Variants in LRRC4C observed in about 807,000 individuals in gnomAD.
LRRC4C encodes the protein leucine rich repeat containing 4C.
In LRRC4C, 5 loss-of-function variants were observed where a neutral mutation model predicts 33.6. That is an observed-to-expected ratio of 0.15 (90% CI 0.08 to 0.31). The LOEUF is 0.31. LRRC4C is among the 10% of genes least tolerant of loss of function. The probability of loss-of-function intolerance (pLI) is 1.00; values close to 1 mark genes in which losing one functional copy is unlikely to be tolerated. For missense variants in LRRC4C, 560 were observed against 796.7 expected (o/e 0.70, Z 3.58); for synonymous variants, 329 against 302.0 (o/e 1.09, Z -0.93).
intron 1 of LRRC4C, among the ~76,000 whole-genome samples, chr11:41,073,595 T>A (rs1157994056): frequency 6.6e-6 from 1 of 152,216 alleles, no homozygotes; most frequent in Non-Finnish European, 1.5e-5. Flanking sequence ...AGGGGGCTAA[T>A]GATTTTTCAT....
chr11:40,709,845 C>T (rs917781650), intron 2 of LRRC4C, among the ~76,000 whole-genome samples: 14 of 152,124 alleles, frequency 9.2e-5, no homozygotes, highest in Non-Finnish European at 1.6e-4. Flanking sequence ...TAGCTTTGGT[C>T]GTTTCACATA....
chr11:40,311,935 C>T (rs1182871217), intron 4 of LRRC4C, among the ~76,000 whole-genome samples: 1 of 129,940 alleles, frequency 7.7e-6, no homozygotes, highest in Non-Finnish European at 1.6e-5. Flanking sequence ...CAGAGTGAGA[C>T]TCTGTCTCAA....
At position 40,210,781 on chromosome 11, in the gene LRRC4C, C is replaced by A. The variant is rs138690376; in HGVS notation, c.-96+30738G>T. Reference sequence around the variant, plus strand: ...CATTTTGTAAAAAATACAACTTTTTCTTTTCTTTTGAGATAGAGTCTCACT... The same window carrying A: ...CATTTTGTAAAAAATACAACTTTTTATTTTCTTTTGAGATAGAGTCTCACT... On this transcript the variant is annotated intron_variant, in intron 5 of 6. Coordinates refer to ENST00000528697, the MANE Select transcript of LRRC4C (RefSeq NM_001258419.2). Among the ~76,000 whole-genome samples, 811 of 152,136 alleles carry A rather than the reference C, an allele frequency of 5.3e-3. 8 individuals carry two copies. Among genetic ancestry groups the A allele is most frequent in the African/African-American group, 0.018 (744 of 41,526 alleles).
At chr11:40,942,604 G>A (rs947798062) in intron 1 of LRRC4C, among the ~76,000 whole-genome samples, 7 of 152,120 alleles carry the variant, frequency 4.6e-5, no homozygotes, top group African/African-American at 1.7e-4. Context: ...ACACCAGAGA[G>A]GGAGGTGGGA....
At chr11:41,347,533 T>C (rs962181801) in intron 1 of LRRC4C, among the ~76,000 whole-genome samples, 2 of 152,192 alleles carry the variant, frequency 1.3e-5, no homozygotes, top group African/African-American at 4.8e-5. Context: ...TTTTTTAAAA[T>C]ACAAAATTTC....
At chr11:40,994,809 T>C (rs1402510300) in intron 1 of LRRC4C, among the ~76,000 whole-genome samples, 1 of 70,814 alleles carries the variant, frequency 1.4e-5, no homozygotes, top group Non-Finnish European at 3.4e-5. Context: ...TCTCTCTCTA[T>C]TTATACTTTT....
At chr11:41,393,219 C>A (rs1256169991) in intron 1 of LRRC4C, among the ~76,000 whole-genome samples, 2 of 151,838 alleles carry the variant, frequency 1.3e-5, no homozygotes, top group African/African-American at 4.8e-5. Flanking sequence ...TAATGTCGCT[C>A]ATATTGTTTA....
intron 4 of LRRC4C, among the ~76,000 whole-genome samples, chr11:40,271,400 G>A (rs1254081616): frequency 6.6e-6 from 1 of 152,124 alleles, no homozygotes; most frequent in Non-Finnish European, 1.5e-5. Flanking sequence ...ACACAAAGGT[G>A]GAGAATGAAA....
intron 2 of LRRC4C, among the ~76,000 whole-genome samples, chr11:40,848,599 G>T (rs951400438): frequency 9.2e-5 from 14 of 152,172 alleles, no homozygotes; most frequent in African/African-American, 3.4e-4. Flanking sequence ...GTGATGTGGT[G>T]CTGAGAAGAA....
intron 3 of LRRC4C, among the ~76,000 whole-genome samples, chr11:40,507,693 A>G (rs989309509): frequency 6.6e-6 from 1 of 151,968 alleles, no homozygotes; most frequent in African/African-American, 2.4e-5. Flanking sequence ...ATTGGCAACT[A>G]TACTGGAGAA....
rs180850251 is a variant in LRRC4C at position 41,312,017 on chromosome 11, C to G, written c.-496+147414G>C. 2.2e-3 allele frequency among the ~76,000 whole-genome samples: 328 copies of G among 152,318 alleles called. 3 individuals are homozygous for G. Among genetic ancestry groups the G allele is most frequent in the African/African-American group, 7.8e-3 (324 of 41,562 alleles). The stretch of plus-strand genomic sequence containing the variant: ...GAGATAGCAAGAGCTCAAAGACCGA[C>G]ACGTTTTATCAATTAACAGAAGCTT... On this transcript the variant is annotated intron_variant, in intron 1 of 6. Coordinates refer to ENST00000528697, the MANE Select transcript of LRRC4C (RefSeq NM_001258419.2).
chr11:40,172,364 T>C (rs1011186946), intron 5 of LRRC4C, among the ~76,000 whole-genome samples: 1 of 152,116 alleles, frequency 6.6e-6, no homozygotes, highest in Non-Finnish European at 1.5e-5. Context: ...ACACCATTCC[T>C]CTCCCTTCAC....
intron 1 of LRRC4C, among the ~76,000 whole-genome samples, chr11:41,418,460 C>T (rs189715561): frequency 9.0e-4 from 137 of 152,076 alleles, no homozygotes; most frequent in Non-Finnish European, 2.2e-4. Context: ...AACCTTCTTC[C>T]TGTTTAGAAG....
At chr11:41,057,565 G>T (rs1377534367) in intron 1 of LRRC4C, among the ~76,000 whole-genome samples, 2 of 152,186 alleles carry the variant, frequency 1.3e-5, no homozygotes, top group Middle Eastern at 3.2e-3. Context: ...TGCCTTTTCT[G>T]GGCCTGCCCA....
At chr11:40,588,119 G>T (rs1406545481) in intron 3 of LRRC4C, among the ~76,000 whole-genome samples, 1 of 151,430 alleles carries the variant, frequency 6.6e-6, no homozygotes, top group Non-Finnish European at 1.5e-5. Context: ...ACTCTTTTTG[G>T]TTGGTAAGCT....
chr11:40,131,028 T>C (rs944367272), intron 6 of LRRC4C, among the ~76,000 whole-genome samples: 1 of 152,202 alleles, frequency 6.6e-6, no homozygotes, highest in Non-Finnish European at 1.5e-5. Context: ...AAATCCACGT[T>C]TGCATGTAAA....
intron 3 of LRRC4C, among the ~76,000 whole-genome samples, chr11:40,416,387 A>G (rs1165961150): frequency 6.6e-6 from 1 of 152,100 alleles, no homozygotes; most frequent in African/African-American, 2.4e-5. Context: ...TGGGAGGGAG[A>G]GATGCTCCAG....
At chr11:40,703,781 A>T (rs1474272487) in intron 2 of LRRC4C, among the ~76,000 whole-genome samples, 2 of 152,216 alleles carry the variant, frequency 1.3e-5, no homozygotes, top group African/African-American at 4.8e-5. Context: ...GCAGTAGTTG[A>T]TAACAGTTAA....
intron 3 of LRRC4C, among the ~76,000 whole-genome samples, chr11:40,570,342 G>C (rs914946202): frequency 5.3e-5 from 8 of 152,022 alleles, no homozygotes; most frequent in African/African-American, 1.9e-4. Flanking sequence ...GCGTTCTCTG[G>C]GTGGAGGACC....
Sources: gnomAD v4.1 joint callset for allele counts (sites outside exome capture counted in the v4.1 genomes callset) on GRCh38, gnomAD v4.1.1 for gene constraint, MANE v1.5 for transcripts, NCBI Gene and HGNC (gene_info 2026-07-23, HGNC 2026-07-21) for gene names.